Variants in SLC14A2 observed in about 807,000 individuals in gnomAD.
SLC14A2 encodes the protein urea transporter 2.
Under a neutral mutation model 104.6 loss-of-function variants are expected in SLC14A2, and 91 were observed. The observed-to-expected ratio is 0.87, with a 90% CI of 0.73 to 1.04. The LOEUF (loss-of-function observed/expected upper bound fraction) is 1.04, where lower values mean the gene tolerates loss of function less well. Ranked by LOEUF, SLC14A2 falls within the 50% of genes least tolerant of loss-of-function variation. The probability of loss-of-function intolerance (pLI) is 0.00; values close to 1 mark genes in which losing one functional copy is unlikely to be tolerated. For synonymous variants in SLC14A2, 476 were observed against 466.4 expected, an observed-to-expected ratio of 1.02 and a Z score of -0.27; for missense variants, 1,189 against 1,156.0, an observed-to-expected ratio of 1.03 and a Z score of -0.41.
chr18:45,292,742 C>A (rs1288564917), intron 1 of SLC14A2, among the ~76,000 whole-genome samples: 2 of 152,170 alleles, frequency 1.3e-5, no homozygotes. Flanking sequence ...ATTGCCTGAA[C>A]AATTAGAAAC....
chr18:45,478,464 T>C (rs2087427656), intron 1 of SLC14A2, among the ~76,000 whole-genome samples: 1 of 152,228 alleles, frequency 6.6e-6, no homozygotes, highest in African/African-American at 2.4e-5. Flanking sequence ...GATAGTTTGC[T>C]TGGCACAGTT....
At chr18:45,380,577 G>A (rs1399806994) in intron 1 of SLC14A2, among the ~76,000 whole-genome samples, 1 of 152,328 alleles carries the variant, frequency 6.6e-6, no homozygotes, top group East Asian at 1.9e-4. Context: ...AAAGTGGAAT[G>A]CATTCATTCT....
At chr18:45,625,148 G>A (rs954759038) in intron 2 of SLC14A2, among the ~76,000 whole-genome samples, 45 of 152,152 alleles carry the variant, frequency 3.0e-4, no homozygotes, top group Admixed American at 1.2e-3. Context: ...TAGCATCCTC[G>A]GTGGTAGCAC....
chr18:45,621,349 G>C (rs2045165798), intron 1 of SLC14A2, among the ~76,000 whole-genome samples: 1 of 151,910 alleles, frequency 6.6e-6, no homozygotes, highest in East Asian at 1.9e-4. Context: ...AGTTAGATCT[G>C]AATGACATTT....
In SLC14A2 at chr18:45,624,932, T is replaced by C. The variant is rs2045235884; in HGVS notation, c.150+118T>C. On this transcript the variant is annotated intron_variant, in intron 2 of 19. Coordinates refer to ENST00000255226, the MANE Select transcript of SLC14A2 (RefSeq NM_007163.4). ...TTAGCACACTGAGGAAGTGCCACTG[T>C]CAGTACATGGTGACACCCATGGTGG... The C allele has an allele frequency of 2.1e-5, 22 of 1,034,840 alleles. No homozygotes were observed. In the South Asian group the frequency reaches 3.2e-4, roughly 15 times the overall value. The allele number at this position is 1,034,840 out of a possible 1,614,324, so 64.1% of individuals were successfully genotyped here.
chr18:45,239,861 G>T (rs1276216179), intron 1 of SLC14A2, among the ~76,000 whole-genome samples: 1 of 152,130 alleles, frequency 6.6e-6, no homozygotes, highest in Non-Finnish European at 1.5e-5. Flanking sequence ...TAGAGTGAAT[G>T]AATGAATCCT....
At chr18:45,622,486 T>G (rs2045188733) in intron 1 of SLC14A2, among the ~76,000 whole-genome samples, 1 of 152,138 alleles carries the variant, frequency 6.6e-6, no homozygotes, top group Non-Finnish European at 1.5e-5. Context: ...CTAAATCTGT[T>G]AATCCACTGC....
At chr18:45,251,552 C>T (rs2084423795) in intron 1 of SLC14A2, among the ~76,000 whole-genome samples, 1 of 152,110 alleles carries the variant, frequency 6.6e-6, no homozygotes, top group Non-Finnish European at 1.5e-5. Context: ...ATTTAAAGCA[C>T]CAATCCTGGA....
At chr18:45,429,391 A>G (rs999561929) in intron 1 of SLC14A2, among the ~76,000 whole-genome samples, 1 of 152,160 alleles carries the variant, frequency 6.6e-6, no homozygotes, top group Admixed American at 6.5e-5. Context: ...TTCATGCAAA[A>G]TGATTTGAGA....
At chr18:45,214,095 C>T (rs909749116) in intron 1 of SLC14A2, among the ~76,000 whole-genome samples, 3 of 152,118 alleles carry the variant, frequency 2.0e-5, no homozygotes, top group African/African-American at 7.2e-5. Flanking sequence ...ATAGATTTGG[C>T]CCAAACTTCT....
intron 1 of SLC14A2, among the ~76,000 whole-genome samples, chr18:45,281,996 T>A (rs1329573937): frequency 6.6e-6 from 1 of 152,080 alleles, no homozygotes; most frequent in African/African-American, 2.4e-5. Context: ...ATGAAGCTGA[T>A]CTCCTACCTA....
chr18:45,275,753 T>C (rs2084695578), intron 1 of SLC14A2, among the ~76,000 whole-genome samples: 1 of 152,224 alleles, frequency 6.6e-6, no homozygotes, highest in Admixed American at 6.5e-5. Flanking sequence ...AGATTTCATC[T>C]CTTTTTTTAC....
At position 45,682,510 on chromosome 18, in the gene SLC14A2, T is replaced by C. The variant is rs781082032; in HGVS notation, c.2754T>C (p.Asp918=). The change falls in exon 20 of 20, where the codon GAT becomes GAC. Residue 918 remains aspartate, a synonymous_variant. Coordinates refer to ENST00000255226, the MANE Select transcript of SLC14A2 (RefSeq NM_007163.4). Reference sequence around the variant, plus strand: ...TCATAACAAAGTATCAGGCCTACGATGTCTCCTAAGTTTCCCTGTCTAAAA... The same window carrying C: ...TCATAACAAAGTATCAGGCCTACGACGTCTCCTAAGTTTCCCTGTCTAAAA... The part of the protein sequence containing the change: ...ASIITKYQAY[D]VS 1.2e-6 allele frequency: 2 copies of C among 1,613,750 alleles called. No homozygotes were observed. Among genetic ancestry groups the C allele is most frequent in the Admixed American group, 1.7e-5 (1 of 60,020 alleles).
At chr18:45,413,637 C>T (rs147561840) in intron 1 of SLC14A2, among the ~76,000 whole-genome samples, 334 of 152,254 alleles carry the variant, frequency 2.2e-3, no homozygotes, top group African/African-American at 7.5e-3. Flanking sequence ...CACTGTCTTA[C>T]GAAACATGGC....
intron 1 of SLC14A2, among the ~76,000 whole-genome samples, chr18:45,327,172 G>C (rs193128701): frequency 1.3e-5 from 2 of 152,084 alleles, no homozygotes; most frequent in East Asian, 1.9e-4. Flanking sequence ...TTTAAGCAAG[G>C]TTCTAAGCAC....
chr18:45,235,896 T>C (rs575836326), intron 1 of SLC14A2, among the ~76,000 whole-genome samples: 1 of 123,998 alleles, frequency 8.1e-6, no homozygotes, highest in Non-Finnish European at 1.7e-5. Context: ...TATATGTGTG[T>C]ATGTATGTAT....
intron 2 of SLC14A2, among the ~76,000 whole-genome samples, chr18:45,573,376 A>ATGTTTGTT (rs143736366): frequency 4.6e-5 from 7 of 152,200 alleles, no homozygotes; most frequent in Non-Finnish European, 1.0e-4. Context: ...GATGTTAGAG[A>ATGTTTGTT]TGTTAGAAAA....
intron 12 of SLC14A2, 80 bp from the exon 13 acceptor site, chr18:45,666,855 C>T: frequency 1.7e-6 from 2 of 1,199,116 alleles, no homozygotes; most frequent in Non-Finnish European, 2.4e-6. Flanking sequence ...TTATTTGGTC[C>T]CTGAGTGACC....
At chr18:45,445,859 A>T (rs2086760437) in intron 1 of SLC14A2, among the ~76,000 whole-genome samples, 1 of 152,220 alleles carries the variant, frequency 6.6e-6, no homozygotes, top group African/African-American at 2.4e-5. Context: ...TCTTTGAGCT[A>T]AAGAAAATGC....
Sources: gnomAD v4.1 joint callset for allele counts (sites outside exome capture counted in the v4.1 genomes callset) on GRCh38, gnomAD v4.1.1 for gene constraint, MANE v1.5 for transcripts, NCBI Gene and HGNC (gene_info 2026-07-23, HGNC 2026-07-21) for gene names.